Variants in KIF5A observed in about 807,000 individuals in gnomAD.
The protein encoded by KIF5A is kinesin heavy chain isoform 5A.
Under a neutral mutation model 141.3 loss-of-function variants are expected in KIF5A, and 35 were observed. The observed-to-expected ratio is 0.25, with a 90% CI of 0.19 to 0.33. The LOEUF is 0.33. KIF5A is among the 10% of genes least tolerant of loss of function. The probability of loss-of-function intolerance (pLI) is 1.00; values close to 1 mark genes in which losing one functional copy is unlikely to be tolerated. For missense variants in KIF5A, 861 were observed against 1,314.3 expected, an observed-to-expected ratio of 0.66 and a Z score of 5.33; for synonymous variants, 448 against 500.2, an observed-to-expected ratio of 0.90 and a Z score of 1.39.
rs572915640 is a variant in KIF5A, at chr12:57,565,022, T to C, written c.501+49T>C. On this transcript the variant is annotated intron_variant, in intron 6 of 28. Coordinates refer to ENST00000455537, the MANE Select transcript of KIF5A (RefSeq NM_004984.4). The stretch of plus-strand genomic sequence containing the variant: ...ATGTGGGGCCAGTGTATTGAGAATG[T>C]TGGTGGGGGAGGAGCATAGGTCAGT... The C allele has an allele frequency of 1.8e-5, 28 of 1,552,210 alleles. No individual in the cohort carries two copies. The South Asian group carries it at 2.9e-4, about 16-fold the overall frequency.
At position 57,553,772 on chromosome 12, in the gene KIF5A, G is replaced by A. The variant is rs550413645; in HGVS notation, c.129+3372G>A. 5.3e-5 allele frequency among the ~76,000 whole-genome samples: 8 copies of A among 152,186 alleles called. No homozygotes were observed. In the South Asian group the frequency reaches 1.7e-3, roughly 32 times the overall value. ...GGAAGAGGAGACACCAGGGAGGCTC[G>A]GAGTGTGATTAAATTAAAAGAGAAC... On this transcript the variant is annotated intron_variant, in intron 1 of 28. Coordinates refer to ENST00000455537, the MANE Select transcript of KIF5A (RefSeq NM_004984.4).
intron 7 of KIF5A, 38 bp downstream of exon 7, chr12:57,567,251 A>T (rs868158746): frequency 1.3e-6 from 2 of 1,524,896 alleles, no homozygotes; most frequent in African/African-American, 2.7e-5. Flanking sequence ...GAGTCTGAGG[A>T]TCCACTTGTG....
At position 57,578,225 on chromosome 12, in the gene KIF5A, T is replaced by C; in HGVS notation, c.2434-13T>C. The C allele has an allele frequency of 6.2e-7, 1 of 1,610,590 alleles. No individual in the cohort carries two copies. Among genetic ancestry groups the C allele is most frequent in the Non-Finnish European group, 8.5e-7 (1 of 1,176,786 alleles). On this transcript the variant is annotated splice_polypyrimidine_tract_variant and intron_variant, in intron 22 of 28. Coordinates refer to ENST00000455537, the MANE Select transcript of KIF5A (RefSeq NM_004984.4). ...CTCAGGACAGCCACGTCTTTCCTTC[T>C]ATCTGTTCTCAGAGTGCAGAAATGG... is the stretch of plus-strand genomic sequence containing the variant.
In KIF5A at chr12:57,550,262, G is replaced by C; in HGVS notation, c.-10G>C. The stretch of plus-strand genomic sequence containing the variant: ...CCAAGAAGAGTCCCAGCCCCACGCC[G>C]GCTACCACCATGGCGGAGACCAACA... On this transcript the variant is annotated 5_prime_UTR_variant, in exon 1 of 29. Transcript: ENST00000455537. This position sits in a 1 kb window ranked among gnomAD's most constrained non-coding sequence, Gnocchi z 4.6. The C allele has an allele frequency of 1.9e-6, 3 of 1,613,938 alleles. No individual in the cohort carries two copies. Among genetic ancestry groups the C allele is most frequent in the Non-Finnish European group, 2.5e-6 (3 of 1,179,984 alleles).
intron 1 of KIF5A, among the ~76,000 whole-genome samples, chr12:57,562,816 A>G (rs1354422089): frequency 6.6e-6 from 1 of 151,906 alleles, no homozygotes; most frequent in East Asian, 1.9e-4. Flanking sequence ...AATTTTCATC[A>G]CCTGTGGCCC....
At chr12:57,570,200 T>G in intron 12 of KIF5A, 38 bp downstream of exon 12, 5 of 1,602,696 alleles carry the variant, frequency 3.1e-6, no homozygotes, top group Admixed American at 1.7e-5. Flanking sequence ...GCACGCCAGG[T>G]GGGATGAGAG....
chr12:57,575,096 A>G lies in KIF5A; in HGVS notation c.1729A>G (p.Ser577Gly), dbSNP rs754373609. The change falls in exon 16 of 29, where the codon AGT (serine) becomes GGT (glycine). Residue 577 changes from serine to glycine, a missense_variant. Coordinates refer to ENST00000455537, the MANE Select transcript of KIF5A (RefSeq NM_004984.4). ...NGEIKLPVEISGAIEEEFTVA... is the reference protein window; with the variant it reads ...NGEIKLPVEIGGAIEEEFTVA... ...TTAATCACCTTAGCCAGTGGAGATC[A>G]GTGGGGCCATCGAGGAGGAGTTCAC... 36 of 1,613,952 alleles carry G rather than the reference A, an allele frequency of 2.2e-5. No individual in the cohort carries two copies. Among genetic ancestry groups the G allele is most frequent in the Non-Finnish European group, 2.9e-5 (34 of 1,179,980 alleles).
At chr12:57,560,894 T>A (rs1365759783) in intron 1 of KIF5A, among the ~76,000 whole-genome samples, 1 of 152,054 alleles carries the variant, frequency 6.6e-6, no homozygotes, top group African/African-American at 2.4e-5. Flanking sequence ...TCCCAGCTAC[T>A]TGGGAGGATT....
At chr12:57,568,552 C>T (rs565011869) in intron 8 of KIF5A, among the ~76,000 whole-genome samples, 3 of 152,082 alleles carry the variant, frequency 2.0e-5, no homozygotes, top group Admixed American at 2.0e-4. Flanking sequence ...ATAGAGAAAC[C>T]CCATCTCTAC....
In KIF5A at chr12:57,572,263, A is replaced by C. The variant is rs747632443; in HGVS notation, c.1565A>C (p.Lys522Thr). The C allele has an allele frequency of 6.3e-7, 1 of 1,586,886 alleles. No individual in the cohort carries two copies. Among genetic ancestry groups the C allele is most frequent in the Non-Finnish European group, 8.6e-7 (1 of 1,166,220 alleles). ...NQLLVDELSQ[K>T]VATMLSLESE... is the part of the protein sequence containing the mutation. ...CTTCTGGTGGATGAGCTGTCTCAGA[A>C]GGTGGTAAGTGGTGTGCCAATGGTC... is the stretch of plus-strand genomic sequence containing the variant. Residue 522 changes from lysine (K) to threonine (T), a missense_variant, in exon 14 of 29, where the codon AAG (lysine) becomes ACG (threonine). Coordinates refer to ENST00000455537, the MANE Select transcript of KIF5A (RefSeq NM_004984.4). The surrounding 1 kb of genome is among the most constrained non-coding windows in gnomAD (Gnocchi z 4.2).
At chr12:57,575,320 G>T (rs746195161) in intron 16 of KIF5A, 48 bp downstream of exon 16, 1 of 1,567,902 alleles carries the variant, frequency 6.4e-7, no homozygotes, top group East Asian at 2.3e-5. Flanking sequence ...GAGAAAGAAG[G>T]CTACTCTGGG....
chr12:57,564,452 T>C lies in KIF5A; in HGVS notation c.397-8T>C, dbSNP rs1392797889. On this transcript the variant is annotated splice_region_variant and splice_polypyrimidine_tract_variant and intron_variant, in intron 4 of 28. Transcript: ENST00000455537. Reference sequence around the variant, plus strand: ...TTTACTTCACACTCCTTCTTTCTTCTTAACCAGGTTTCTTACTTTGAAATT... The same window carrying C: ...TTTACTTCACACTCCTTCTTTCTTCCTAACCAGGTTTCTTACTTTGAAATT... 1 of 1,607,762 alleles carries C rather than the reference T, an allele frequency of 6.2e-7. No individual in the cohort carries two copies. The highest frequency in any genetic ancestry group is 8.5e-7 in the Non-Finnish European group (1 of 1,174,516).
chr12:57,581,375 G>A, intron 24 of KIF5A, 40 bp from the exon 25 acceptor site: 5 of 1,612,250 alleles, frequency 3.1e-6, no homozygotes, highest in Non-Finnish European at 2.5e-6. Context: ...CAAATGCAGG[G>A]TCATAGCCTC....
chr12:57,564,759 A>T (rs1432733694), intron 5 of KIF5A, among the ~76,000 whole-genome samples, 159 bp from the exon 6 acceptor site: 2 of 152,188 alleles, frequency 1.3e-5, no homozygotes, highest in African/African-American at 4.8e-5. Flanking sequence ...GAGGAGAAGG[A>T]GGAGGAACTG....
chr12:57,581,812 T>C, intron 25 of KIF5A, 58 bp from the exon 26 acceptor site: 1 of 1,459,802 alleles, frequency 6.9e-7, no homozygotes, highest in Non-Finnish European at 9.6e-7. Flanking sequence ...GGATTAGTGG[T>C]CCTCAGACTA....
chr12:57,569,941 C>T (rs776012689), intron 11 of KIF5A, 46 bp from the exon 12 acceptor site: 1 of 1,598,196 alleles, frequency 6.3e-7, no homozygotes, highest in Non-Finnish European at 8.6e-7. Flanking sequence ...CTCGTGGATG[C>T]AGCTTCTTCT....
chr12:57,576,699 C>G, intron 19 of KIF5A, 62 bp from the exon 20 acceptor site: 1 of 1,233,688 alleles, frequency 8.1e-7, no homozygotes, highest in Non-Finnish European at 1.2e-6. Flanking sequence ...AAGAGCTGGC[C>G]TTCCCTTCCC....
rs1164107029 is a variant in KIF5A at position 57,550,821 on chromosome 12, A to T, written c.129+421A>T. Among the ~76,000 whole-genome samples the T allele has an allele frequency of 6.6e-6, 1 of 152,100 alleles. No homozygotes were observed. Among genetic ancestry groups the T allele is most frequent in the Non-Finnish European group, 1.5e-5 (1 of 68,032 alleles). The stretch of plus-strand genomic sequence containing the variant: ...GGCGGAAGACTTTTGGGTGGATTAG[A>T]TGGGAGGTGAGCAGTCCAGGGTCTC... On this transcript the variant is annotated intron_variant, in intron 1 of 28. Coordinates refer to ENST00000455537, the MANE Select transcript of KIF5A (RefSeq NM_004984.4). This position sits in a 1 kb window ranked among gnomAD's most constrained non-coding sequence, Gnocchi z 4.6.
intron 1 of KIF5A, among the ~76,000 whole-genome samples, chr12:57,552,346 G>T (rs1293467736): frequency 6.6e-6 from 1 of 152,160 alleles, no homozygotes. Flanking sequence ...ACAGTGGGAG[G>T]TGGGCAAGGA....
Sources: allele counts gnomAD v4.1 joint callset (sites outside exome capture counted in the v4.1 genomes callset), GRCh38; gene constraint gnomAD v4.1.1; non-coding constraint Gnocchi (gnomAD v3.1); transcripts MANE v1.5; gene names NCBI Gene and HGNC (gene_info 2026-07-23, HGNC 2026-07-21).